Variants in THSD7B observed in about 807,000 individuals in gnomAD.
The protein encoded by THSD7B is thrombospondin type 1 domain containing 7B.
THSD7B carries 138 observed loss-of-function variants against 213.6 expected under a neutral mutation model. That is an observed-to-expected ratio of 0.65 (90% confidence interval 0.56 to 0.74). The LOEUF is 0.74. Ranked by LOEUF, THSD7B falls within the 30% of genes least tolerant of loss-of-function variation. THSD7B has a pLI of 0.00. For synonymous variants in THSD7B, 742 were observed against 687.0 expected, an observed-to-expected ratio of 1.08 and a Z score of -1.25; for missense variants, 1,931 against 1,991.5, an observed-to-expected ratio of 0.97 and a Z score of 0.58.
At chr2:137,131,404 T>A (rs1270012416) in intron 5 of THSD7B, among the ~76,000 whole-genome samples, 5 of 152,190 alleles carry the variant, frequency 3.3e-5, no homozygotes, top group African/African-American at 9.6e-5. Flanking sequence ...TTTGTCAATG[T>A]TGGCTTTTGT....
intron 12 of THSD7B, among the ~76,000 whole-genome samples, chr2:137,346,872 A>T (rs1259082935): frequency 6.6e-6 from 1 of 151,768 alleles, no homozygotes; most frequent in East Asian, 1.9e-4. Context: ...TATTGTAAAT[A>T]GTGCTGTGCA....
chr2:137,627,169 C>G (rs1028820530), intron 20 of THSD7B, among the ~76,000 whole-genome samples: 1 of 152,184 alleles, frequency 6.6e-6, no homozygotes, highest in South Asian at 2.1e-4. Flanking sequence ...ACAACCCTGT[C>G]TTGCAAGAGC....
intron 12 of THSD7B, among the ~76,000 whole-genome samples, chr2:137,370,952 T>G (rs762472859): frequency 2.0e-5 from 3 of 152,166 alleles, no homozygotes; most frequent in Admixed American, 6.6e-5. Context: ...TCTTTTTTTT[T>G]CATGCAGCAT....
chr2:136,920,978 T>G (rs530147), intron 2 of THSD7B, among the ~76,000 whole-genome samples: 149,957 of 152,218 alleles, frequency 0.99, 73,914 homozygotes, highest in Non-Finnish European at 1. Flanking sequence ...CTGCAGGGGT[T>G]GGGGGCTTCC....
chr2:136,811,887 C>T (rs537662649), intron 1 of THSD7B, among the ~76,000 whole-genome samples: 219 of 152,222 alleles, frequency 1.4e-3, no homozygotes, highest in Non-Finnish European at 1.7e-3. Flanking sequence ...CTTCAAATTC[C>T]CACCATCCTC....
chr2:137,114,352 C>A (rs917314132), intron 4 of THSD7B, among the ~76,000 whole-genome samples: 2 of 152,104 alleles, frequency 1.3e-5, no homozygotes, highest in East Asian at 1.9e-4. Flanking sequence ...TAAAATAATT[C>A]TCTAGGTATG....
intron 7 of THSD7B, among the ~76,000 whole-genome samples, chr2:137,221,905 T>G (rs1234798679): frequency 6.6e-6 from 1 of 152,250 alleles, no homozygotes; most frequent in Non-Finnish European, 1.5e-5. Context: ...TGTAAAGGTA[T>G]ACCTCATGTT....
At chr2:136,831,741 A>G (rs1190289877) in intron 1 of THSD7B, among the ~76,000 whole-genome samples, 1 of 152,208 alleles carries the variant, frequency 6.6e-6, no homozygotes, top group African/African-American at 2.4e-5. Flanking sequence ...TTTCGAAAGA[A>G]ACTTAAGGCC....
At chr2:136,843,077 C>T (rs966981743) in intron 1 of THSD7B, among the ~76,000 whole-genome samples, 4 of 142,486 alleles carry the variant, frequency 2.8e-5, no homozygotes, top group South Asian at 2.3e-4. Context: ...TCACTCGTAT[C>T]GAGTGGTTTC....
At chr2:136,890,336 T>G (rs189203079) in intron 2 of THSD7B, among the ~76,000 whole-genome samples, 1 of 8,418 alleles carries the variant, frequency 1.2e-4, no homozygotes, top group Non-Finnish European at 2.4e-4. Flanking sequence ...TTCTTCTTCT[T>G]CTTCTTCTTC....
At chr2:137,093,117 C>A (rs1418882222) in intron 3 of THSD7B, among the ~76,000 whole-genome samples, 1 of 152,156 alleles carries the variant, frequency 6.6e-6, no homozygotes, top group Non-Finnish European at 1.5e-5. Context: ...GAACAGAATG[C>A]CAATTAATAT....
At chr2:137,114,349 A>G (rs1688407344) in intron 4 of THSD7B, among the ~76,000 whole-genome samples, 1 of 152,184 alleles carries the variant, frequency 6.6e-6, no homozygotes, top group Non-Finnish European at 1.5e-5. Flanking sequence ...GCCTAAAATA[A>G]TTCTCTAGGT....
At chr2:136,838,078 A>G (rs1245683455) in intron 1 of THSD7B, among the ~76,000 whole-genome samples, 1 of 152,200 alleles carries the variant, frequency 6.6e-6, no homozygotes, top group East Asian at 1.9e-4. Flanking sequence ...ATACATGTAG[A>G]GCTCTTGGTT....
intron 15 of THSD7B, among the ~76,000 whole-genome samples, chr2:137,519,516 G>C (rs1680139393): frequency 1.3e-5 from 2 of 152,160 alleles, no homozygotes; most frequent in Admixed American, 1.3e-4. Context: ...ATCACTATAG[G>C]AGGGTTCATC....
chr2:137,419,693 C>T (rs1017411276), intron 14 of THSD7B, among the ~76,000 whole-genome samples: 6 of 151,780 alleles, frequency 4.0e-5, no homozygotes, highest in East Asian at 2.0e-4. Flanking sequence ...GGGTGGGGAT[C>T]GATCGGTGGA....
At chr2:136,973,713 A>C (rs572732277) in intron 2 of THSD7B, among the ~76,000 whole-genome samples, 1 of 152,320 alleles carries the variant, frequency 6.6e-6, no homozygotes, top group South Asian at 2.1e-4. Flanking sequence ...TTGCTAGTAC[A>C]TTCTTGCATT....
At chr2:137,400,766 C>G (rs948404069) in intron 12 of THSD7B, among the ~76,000 whole-genome samples, 2 of 152,180 alleles carry the variant, frequency 1.3e-5, no homozygotes, top group Admixed American at 1.3e-4. Context: ...TGCCCAACCT[C>G]TCTTTCCTGG....
chr2:137,493,873 C>A (rs767420769), intron 15 of THSD7B, among the ~76,000 whole-genome samples: 1 of 152,104 alleles, frequency 6.6e-6, no homozygotes, highest in African/African-American at 2.4e-5. Context: ...CCCTTTGTGT[C>A]GTTTGGAAAG....
intron 6 of THSD7B, among the ~76,000 whole-genome samples, chr2:137,167,603 C>A (rs776046467): frequency 6.6e-6 from 1 of 152,124 alleles, no homozygotes; most frequent in Non-Finnish European, 1.5e-5. Context: ...AAACACTGAC[C>A]CCTTTTCTGC....
Sources: allele counts gnomAD v4.1 joint callset (sites outside exome capture counted in the v4.1 genomes callset), GRCh38; gene constraint gnomAD v4.1.1; transcripts MANE v1.5; gene names NCBI Gene and HGNC (gene_info 2026-07-23, HGNC 2026-07-21).